Variants in OR2L13 observed in about 807,000 individuals in gnomAD.
The protein encoded by OR2L13 is olfactory receptor family 2 subfamily L member 13, also known as olfactory receptor 2L13.
Under a neutral mutation model 15.3 loss-of-function variants are expected in OR2L13, and 14 were observed. That is an observed-to-expected ratio of 0.91 (90% confidence interval 0.60 to 1.43). The LOEUF (loss-of-function observed/expected upper bound fraction) is 1.43. Ranked by LOEUF, OR2L13 falls within the 40% of genes most tolerant of loss-of-function variation. OR2L13 has a pLI of 0.00. For synonymous variants in OR2L13, 152 were observed against 142.9 expected (o/e 1.06, Z -0.45); for missense variants, 367 against 387.9 (o/e 0.95, Z 0.45).
the OR2L13 span, among the ~76,000 whole-genome samples, chr1:248,054,991 G>A: frequency 2.6e-5 from 4 of 152,186 alleles, no homozygotes; most frequent in Non-Finnish European, 5.9e-5. Context: ...TAAGAGTCAT[G>A]AGAGATTGCA....
chr1:247,970,644 T>C, the OR2L13 span, among the ~76,000 whole-genome samples: 5 of 152,324 alleles, frequency 3.3e-5, 1 homozygote, highest in South Asian at 8.3e-4. Context: ...CTAAAATTAA[T>C]CTTCACTATA....
At chr1:247,954,831 A>C in the OR2L13 span, among the ~76,000 whole-genome samples, 859 of 152,250 alleles carry the variant, frequency 5.6e-3, 12 homozygotes, top group African/African-American at 0.02. Flanking sequence ...AAAGATCATC[A>C]TTATGTATAC....
the OR2L13 span, chr1:248,003,354 C>A: frequency 1.9e-6 from 3 of 1,604,436 alleles, no homozygotes; most frequent in Non-Finnish European, 2.6e-6. Context: ...TACATCTCCA[C>A]CATTGTTCCT....
chr1:247,979,123 A>G, the OR2L13 span, among the ~76,000 whole-genome samples: 1 of 152,130 alleles, frequency 6.6e-6, no homozygotes, highest in African/African-American at 2.4e-5. Context: ...CTACTAAAGA[A>G]GATATAAAAA....
the OR2L13 span, among the ~76,000 whole-genome samples, chr1:247,961,005 A>T: frequency 6.6e-6 from 1 of 152,188 alleles, no homozygotes; most frequent in African/African-American, 2.4e-5. Context: ...TTGGAAATGC[A>T]GAAATTACCC....
At chr1:248,025,614 A>G in the OR2L13 span, among the ~76,000 whole-genome samples, 5 of 148,232 alleles carry the variant, frequency 3.4e-5, no homozygotes, top group African/African-American at 5.2e-5. Flanking sequence ...TACCCAAATG[A>G]CTATAAATCA....
At chr1:248,038,230 C>T in the OR2L13 span, 6 of 1,404,266 alleles carry the variant, frequency 4.3e-6, no homozygotes, top group Non-Finnish European at 5.9e-6. Flanking sequence ...TTAATTTACC[C>T]TTTTGTCTCC....
At chr1:248,022,022 C>G in the OR2L13 span, 3 of 1,613,928 alleles carry the variant, frequency 1.9e-6, no homozygotes, top group Non-Finnish European at 8.5e-7. Flanking sequence ...TTGGCCTTTT[C>G]CTCTTCATTC....
At chr1:247,976,989 C>T in the OR2L13 span, among the ~76,000 whole-genome samples, 1 of 152,264 alleles carries the variant, frequency 6.6e-6, no homozygotes, top group Non-Finnish European at 1.5e-5. Flanking sequence ...CATGAGGAAG[C>T]ATGTTGAATG....
the OR2L13 span, among the ~76,000 whole-genome samples, chr1:248,064,171 T>G: frequency 6.6e-6 from 1 of 152,130 alleles, no homozygotes; most frequent in Non-Finnish European, 1.5e-5. Flanking sequence ...TATGCTTAAA[T>G]CTTAACCCTC....
the OR2L13 span, among the ~76,000 whole-genome samples, chr1:248,025,098 G>C: frequency 8.6e-5 from 13 of 150,928 alleles, no homozygotes; most frequent in African/African-American, 3.2e-4. Context: ...ATTGACAAAT[G>C]GGATCCAATT....
the OR2L13 span, among the ~76,000 whole-genome samples, chr1:247,967,851 TCTCCTCCTCCTC>T: frequency 6.7e-6 from 1 of 149,908 alleles, no homozygotes; most frequent in Admixed American, 6.6e-5. Flanking sequence ...TCTTCCTCCT[TCTCCTCCTCCTC>T]CTTCTCCTCC....
chr1:247,982,062 G>A, the OR2L13 span, among the ~76,000 whole-genome samples: 1,609 of 152,192 alleles, frequency 0.011, 38 homozygotes, highest in African/African-American at 0.035. Context: ...TGATCCATCC[G>A]CCTCGGCCTC....
the OR2L13 span, chr1:248,003,873 C>G: frequency 1.5e-4 from 238 of 1,612,396 alleles, 1 homozygote; most frequent in Non-Finnish European, 1.7e-4. Flanking sequence ...ACTGTAGTAA[C>G]TTTCTACTAT....
the OR2L13 span, among the ~76,000 whole-genome samples, chr1:247,967,158 A>C: frequency 3.4e-4 from 52 of 152,190 alleles, no homozygotes; most frequent in African/African-American, 1.2e-3. Context: ...TATTTTCAGA[A>C]AATATTCTCT....
chr1:248,003,518 C>T, the OR2L13 span: 1 of 1,612,302 alleles, frequency 6.2e-7, no homozygotes, highest in Non-Finnish European at 8.5e-7. Flanking sequence ...CTTTCCTCTC[C>T]ACTATCTCAT....
At chr1:247,996,546 A>G in the OR2L13 span, among the ~76,000 whole-genome samples, 16 of 152,330 alleles carry the variant, frequency 1.1e-4, no homozygotes, top group South Asian at 1.4e-3. Context: ...GAAGTGTAAA[A>G]TAGTCAATTT....
At chr1:248,049,621 A>T in the OR2L13 span, among the ~76,000 whole-genome samples, 1 of 152,240 alleles carries the variant, frequency 6.6e-6, no homozygotes, top group African/African-American at 2.4e-5. Flanking sequence ...GGGTGATACG[A>T]GGAAACGGAA....
chr1:248,055,655 G>A, the OR2L13 span, among the ~76,000 whole-genome samples: 1 of 152,332 alleles, frequency 6.6e-6, no homozygotes, highest in Admixed American at 6.5e-5. Flanking sequence ...TACTCTGGAG[G>A]CTGAGGCATG....
Sources: gnomAD v4.1 joint callset for allele counts (sites outside exome capture counted in the v4.1 genomes callset) on GRCh38, gnomAD v4.1.1 for gene constraint, MANE v1.5 for transcripts, NCBI Gene and HGNC (gene_info 2026-07-23, HGNC 2026-07-21) for gene names.